Variants in GPD2 observed in about 807,000 individuals in gnomAD.
The protein encoded by GPD2 is glycerol-3-phosphate dehydrogenase, mitochondrial.
Under a neutral mutation model 82.4 loss-of-function variants are expected in GPD2, and 54 were observed. That is an observed-to-expected ratio of 0.66 (90% CI 0.53 to 0.82). The LOEUF is 0.82. GPD2 is among the 40% of genes least tolerant of loss of function. The pLI, the probability that GPD2 is intolerant of heterozygous loss-of-function variation, is 0.00. For synonymous variants in GPD2, 288 were observed against 306.1 expected, an observed-to-expected ratio of 0.94 and a Z score of 0.62; for missense variants, 748 against 896.2, an observed-to-expected ratio of 0.83 and a Z score of 2.11.
the GPD2 span, among the ~76,000 whole-genome samples, chr2:156,413,262 G>A: frequency 6.6e-6 from 1 of 151,978 alleles, no homozygotes; most frequent in Non-Finnish European, 1.5e-5. Context: ...ATTCTTTTTA[G>A]AGCTATCTTG....
At chr2:156,452,631 G>A (rs934804877) in intron 1 of GPD2, among the ~76,000 whole-genome samples, 4 of 152,226 alleles carry the variant, frequency 2.6e-5, no homozygotes, top group Non-Finnish European at 5.9e-5. Context: ...ACGTGGAAAA[G>A]TTCTTGGAAG....
chr2:156,455,849 C>T (rs1464435592), intron 1 of GPD2, among the ~76,000 whole-genome samples: 1 of 152,202 alleles, frequency 6.6e-6, no homozygotes, highest in East Asian at 1.9e-4. Context: ...TGGTCTAATA[C>T]AGTAGGTGCC....
intron 1 of GPD2, among the ~76,000 whole-genome samples, chr2:156,447,690 T>C (rs298231): frequency 0.97 from 147,498 of 152,294 alleles, 71,605 homozygotes; most frequent in East Asian, 1. Flanking sequence ...GATTTTATTA[T>C]TTAAAATTTC....
At chr2:156,446,415 A>T (rs1481794241) in intron 1 of GPD2, among the ~76,000 whole-genome samples, 1 of 152,138 alleles carries the variant, frequency 6.6e-6, no homozygotes, top group East Asian at 1.9e-4. Flanking sequence ...TAATCTTGAA[A>T]TGAATGCATT....
intron 1 of GPD2, among the ~76,000 whole-genome samples, chr2:156,436,831 C>G (rs1681941806): frequency 1.3e-5 from 2 of 152,140 alleles, no homozygotes; most frequent in African/African-American, 4.8e-5. Context: ...GATTGTTGCT[C>G]CCTTCCGAAG....
Position 156,512,949 on chromosome 2 carries a change from G to C in GPD2, c.498-384G>C, listed in dbSNP as rs146041967. Among the ~76,000 whole-genome samples the C allele has an allele frequency of 3.3e-3, 506 of 152,172 alleles. 6 individuals carry two copies. Among genetic ancestry groups the C allele is most frequent in the South Asian group, 0.022 (105 of 4,822 alleles). ...TTTTGTTCATCCTTCATCATAGATCGCTTAGGACTTCCTGAACCAGTGATT... is the reference window on the plus strand; with the variant it reads ...TTTTGTTCATCCTTCATCATAGATCCCTTAGGACTTCCTGAACCAGTGATT... On this transcript the variant is annotated intron_variant, in intron 5 of 16. Transcript: ENST00000438166.
At chr2:156,528,854 T>G (rs1385751096) in intron 6 of GPD2, among the ~76,000 whole-genome samples, 1 of 152,156 alleles carries the variant, frequency 6.6e-6, no homozygotes, top group African/African-American at 2.4e-5. Flanking sequence ...GACATTTGGG[T>G]TGGTTCCAAG....
intron 2 of GPD2, among the ~76,000 whole-genome samples, chr2:156,480,397 C>CT (rs1296413978): frequency 2.0e-5 from 3 of 151,342 alleles, no homozygotes; most frequent in African/African-American, 7.3e-5. Context: ...CTACCCTAGT[C>CT]TTTTTTCTTT....
chr2:156,407,802 G>C, the GPD2 span, among the ~76,000 whole-genome samples: 1 of 152,060 alleles, frequency 6.6e-6, no homozygotes, highest in Non-Finnish European at 1.5e-5. Context: ...AAATCCAAGG[G>C]TGAGTACATT....
chr2:156,547,762 T>C (rs1370805739), intron 6 of GPD2, among the ~76,000 whole-genome samples: 1 of 152,234 alleles, frequency 6.6e-6, no homozygotes, highest in African/African-American at 2.4e-5. Context: ...TTTTATATTT[T>C]AAACACATAT....
chr2:156,546,939 A>G (rs535336920), intron 6 of GPD2, among the ~76,000 whole-genome samples: 7 of 152,334 alleles, frequency 4.6e-5, no homozygotes, highest in African/African-American at 1.7e-4. Flanking sequence ...ACAGCGAATG[A>G]GATTAGGCTA....
the GPD2 span, among the ~76,000 whole-genome samples, chr2:156,423,342 T>C: frequency 0.015 from 2,278 of 152,336 alleles, 57 homozygotes; most frequent in African/African-American, 0.05. Flanking sequence ...AGTCAGATTA[T>C]AGGGGCTGGG....
At chr2:156,407,271 G>C in the GPD2 span, among the ~76,000 whole-genome samples, 1 of 152,052 alleles carries the variant, frequency 6.6e-6, no homozygotes, top group South Asian at 2.1e-4. Flanking sequence ...TTTCTATGTG[G>C]ATATAAACAT....
intron 1 of GPD2, among the ~76,000 whole-genome samples, chr2:156,458,591 C>A (rs1330822858): frequency 6.6e-6 from 1 of 152,144 alleles, no homozygotes; most frequent in African/African-American, 2.4e-5. Context: ...TCAAAGATTC[C>A]TAATAAATTG....
chr2:156,509,765 C>CTTTTTTTTTTTTTTTTTTTTTTT (rs60361072), intron 3 of GPD2, among the ~76,000 whole-genome samples: 4 of 117,382 alleles, frequency 3.4e-5, no homozygotes, highest in Non-Finnish European at 3.4e-5. Flanking sequence ...ATATGTTCTT[C>CTTTTTTTTTTTTTTTTTTTTTTT]TTTTTTTTTT....
Position 156,569,477 on chromosome 2 carries a change from G to A in GPD2, c.1415G>A (p.Gly472Asp), listed in dbSNP as rs375418471. The part of the protein sequence containing the change: ...SRTVGLFLQG[G>D]KDWSPTLYIR... ...ACAGTTGGGCTTTTCCTTCAAGGGG[G>A]TAAAGATTGGAGCCCCACACTCTAC... is the stretch of plus-strand genomic sequence containing the variant. Residue 472 changes from glycine (G) to aspartate (D), a missense_variant, in exon 11 of 17, where the codon GGT becomes GAT. This residue lies in a region of GPD2 where 692 missense variants were observed against 809.7 expected (regional missense o/e 0.85). Coordinates refer to ENST00000438166, the MANE Select transcript of GPD2 (RefSeq NM_000408.5). 1.1e-5 allele frequency: 18 copies of A among 1,612,814 alleles called. No homozygotes were observed. The highest frequency in any genetic ancestry group is 2.2e-5 in the South Asian group (2 of 91,060).
intron 1 of GPD2, among the ~76,000 whole-genome samples, chr2:156,448,749 T>TAA (rs1682454389): frequency 6.6e-6 from 1 of 152,190 alleles, no homozygotes; most frequent in South Asian, 2.1e-4. Context: ...ATCTGGAACT[T>TAA]AGTGGGTAAG....
At chr2:156,552,630 CAG>C (rs1452683758) in intron 8 of GPD2, among the ~76,000 whole-genome samples, 8 of 152,118 alleles carry the variant, frequency 5.3e-5, no homozygotes, top group Non-Finnish European at 8.8e-5. Context: ...TGTCAGAAGA[CAG>C]AGATTATTCC....
At chr2:156,490,817 A>G (rs1684146893) in intron 2 of GPD2, among the ~76,000 whole-genome samples, 1 of 152,246 alleles carries the variant, frequency 6.6e-6, no homozygotes, top group Admixed American at 6.5e-5. Context: ...ATGAGTAGAA[A>G]AAAAGCAAAA....
Sources: gnomAD v4.1 joint callset for allele counts (sites outside exome capture counted in the v4.1 genomes callset) on GRCh38, gnomAD v4.1.1 for gene constraint, gnomAD v4.1.1 regional missense constraint, MANE v1.5 for transcripts, NCBI Gene and HGNC (gene_info 2026-07-23, HGNC 2026-07-21) for gene names.